The following ZXDC variants were observed in gnomAD, a reference collection of about 807,000 sequenced individuals.
ZXDC encodes ZXD family zinc finger C.
Under a neutral mutation model 63.6 loss-of-function variants are expected in ZXDC, and 58 were observed. The observed-to-expected ratio is 0.91, with a 90% CI of 0.74 to 1.13. ZXDC has a LOEUF of 1.13. ZXDC is among the 50% of genes most tolerant of loss of function. The pLI is 0.00. For missense variants in ZXDC, 1,133 were observed against 1,148.9 expected (o/e 0.99, Z 0.20); for synonymous variants, 561 against 496.1 (o/e 1.13, Z -1.74).
chr3:126,457,741 C>G (rs977229135), intron 7 of ZXDC: 3 of 774,152 alleles, frequency 3.9e-6, no homozygotes, highest in East Asian at 1.3e-4. Flanking sequence ...TAGAGTACCA[C>G]CGTTTAGAGT....
chr3:126,439,413 C>T (rs1375436094), intron 9 of ZXDC, among the ~76,000 whole-genome samples: 1 of 152,206 alleles, frequency 6.6e-6, no homozygotes, highest in Non-Finnish European at 1.5e-5. Flanking sequence ...TTAACTTCTC[C>T]TGCTTTGTCT....
At chr3:126,463,529 G>A (rs575040219) in intron 5 of ZXDC, among the ~76,000 whole-genome samples, 9 of 152,342 alleles carry the variant, frequency 5.9e-5, no homozygotes, top group East Asian at 1.9e-4. Context: ...GCATAGGCAA[G>A]TTTAGGGTTT....
At chr3:126,462,934 C>T (rs1273837222) in intron 5 of ZXDC, among the ~76,000 whole-genome samples, 1 of 152,206 alleles carries the variant, frequency 6.6e-6, no homozygotes, top group African/African-American at 2.4e-5. Context: ...CCCACAGCCT[C>T]CCCTACCACT....
chr3:126,465,832 G>A (rs938307087), intron 5 of ZXDC, among the ~76,000 whole-genome samples: 1 of 152,138 alleles, frequency 6.6e-6, no homozygotes, highest in African/African-American at 2.4e-5. Context: ...ATGCCTGTGG[G>A]CTCAGCTACT....
intron 7 of ZXDC, chr3:126,452,415 G>C (rs1030046863): frequency 1.0e-6 from 1 of 985,394 alleles, no homozygotes; most frequent in Non-Finnish European, 1.2e-6. Flanking sequence ...CGAGACAGGT[G>C]CAGGAGCCGA....
At chr3:126,466,602 A>G (rs1426400986) in intron 4 of ZXDC, among the ~76,000 whole-genome samples, 14 of 152,228 alleles carry the variant, frequency 9.2e-5, no homozygotes, top group African/African-American at 3.1e-4. Context: ...TTCTTCACCC[A>G]CTACATGGAG....
intron 8 of ZXDC, chr3:126,441,519 AG>A (rs1933675981): frequency 7.8e-7 from 1 of 1,280,280 alleles, no homozygotes; most frequent in African/African-American, 1.5e-5. Context: ...AGACAGGTTC[AG>A]GAAGTGGATG....
In ZXDC at chr3:126,475,489, G is replaced by A. The variant is rs142692233; in HGVS notation, c.377C>T (p.Ala126Val). Residue 126 changes from alanine to valine, a missense_variant, in exon 1 of 10, where the codon GCG (alanine) becomes GTG (valine). Ala to Val is a moderately conservative substitution (Grantham distance 64). Transcript: ENST00000389709. Reference sequence around the variant, plus strand: ...CTGGCTGCTGATGGTGACGGCGCCCGCCGGGGCTACGCCAGGGCCGGGGGG... The same window carrying A: ...CTGGCTGCTGATGGTGACGGCGCCCACCGGGGCTACGCCAGGGCCGGGGGG... ...AAPPGPGVAP[A>V]GAVTISSQDL... The A allele has an allele frequency of 0.02, 24,935 of 1,219,700 alleles. 290 individuals carry two copies. The highest frequency in any genetic ancestry group is 0.023 in the Non-Finnish European group (22,189 of 981,974). 75.6% of individuals were successfully genotyped at this position (1,219,700 alleles called of 1,614,324 possible).
rs753464351 is a variant in ZXDC, at chr3:126,462,160, G to C, written c.1502C>G (p.Pro501Arg). 85 of 1,611,728 alleles carry C rather than the reference G, an allele frequency of 5.3e-5. No individual in the cohort carries two copies. The highest frequency in any genetic ancestry group is 7.2e-5 in the Non-Finnish European group (85 of 1,179,930). The change falls in exon 6 of 10, where the codon CCA becomes CGA. Residue 501 changes from proline (P) to arginine (R), a missense_variant. Pro to Arg is a moderately radical substitution (Grantham distance 103). Coordinates refer to ENST00000389709, the MANE Select transcript of ZXDC (RefSeq NM_025112.5). ...SLTPSSELSS[P>R]GQSELTNMDL... is the part of the protein sequence containing the mutation. ...CATGTTAGTGAGCTCACTTTGGCCT[G>C]GGCTGCTGAGTTCACTGCTGGGAGT...
At chr3:126,452,711 T>C (rs1934151700) in intron 7 of ZXDC, among the ~76,000 whole-genome samples, 1 of 152,012 alleles carries the variant, frequency 6.6e-6, no homozygotes, top group African/African-American at 2.4e-5. Context: ...CATTTCCATC[T>C]ATCTTCGTAA....
At position 126,439,721 on chromosome 3, in the gene ZXDC, G is replaced by T; in HGVS notation, c.2401C>A (p.Pro801Thr). Residue 801 changes from proline (P) to threonine (T), a missense_variant, in exon 9 of 10, where the codon CCC becomes ACC. Coordinates refer to ENST00000389709, the MANE Select transcript of ZXDC (RefSeq NM_025112.5). ...GVQVQLVQDD[P>T]SGEGVLPSAR... ...GAGGGCAGGACACCTTCGCCGGAGG[G>T]GTCATCCTGGGAAGGCAACACAGAA... 6.4e-7 allele frequency: 1 copy of T among 1,550,850 alleles called. No homozygotes were observed.
chr3:126,466,279 A>C lies in ZXDC; in HGVS notation c.1317T>G (p.Ser439=). 1 of 1,614,206 alleles carries C rather than the reference A, an allele frequency of 6.2e-7. No individual in the cohort carries two copies. The highest frequency in any genetic ancestry group is 8.5e-7 in the Non-Finnish European group (1 of 1,180,036). ...CACCCACATCCTGCACGTGTTTCTT[A>C]GAGTGAATGTACAGACTGCTACGAG... The part of the protein sequence containing the change: ...FSARSSLYIH[S]KKHVQDVGAP... The change falls in exon 5 of 10, where the codon TCT becomes TCG. Residue 439 remains serine (S), a synonymous_variant. Transcript: ENST00000389709.
intron 6 of ZXDC, chr3:126,460,944 T>C (rs1560099131): frequency 1.0e-6 from 1 of 984,000 alleles, no homozygotes; most frequent in Admixed American, 6.1e-5. Context: ...AGTCAGACTA[T>C]CTCCTAAGAA....
intron 5 of ZXDC, among the ~76,000 whole-genome samples, chr3:126,463,748 C>T (rs1375460942): frequency 6.6e-6 from 1 of 152,218 alleles, no homozygotes; most frequent in East Asian, 1.9e-4. Context: ...CCTATTTCTC[C>T]CATGCCAGCT....
Position 126,466,337 on chromosome 3 carries a change from A to G in ZXDC, c.1271-12T>C. On this transcript the variant is annotated splice_polypyrimidine_tract_variant and intron_variant, in intron 4 of 9. Coordinates refer to ENST00000389709, the MANE Select transcript of ZXDC (RefSeq NM_025112.5). ...CCTCGCGCAACATCCTGGAACAAAA[A>G]GAGTAATGAGAGTGAAACCCAAGGA... 1 of 1,614,154 alleles carries G rather than the reference A, an allele frequency of 6.2e-7. No individual in the cohort carries two copies. Among genetic ancestry groups the G allele is most frequent in the Non-Finnish European group, 8.5e-7 (1 of 1,180,012 alleles).
intron 1 of ZXDC, among the ~76,000 whole-genome samples, chr3:126,473,412 ACATCTAATCTCATCTAAC>A (rs987723696): frequency 6.6e-6 from 1 of 152,154 alleles, no homozygotes; most frequent in Admixed American, 6.5e-5. Context: ...CTGCTTCTAA[ACATCTAATCTCATCTAAC>A]CATCTAATCT....
rs781317471 is a variant in ZXDC, at chr3:126,441,895, G to A, written c.2264C>T (p.Pro755Leu). 15 of 1,612,876 alleles carry A rather than the reference G, an allele frequency of 9.3e-6. No individual in the cohort carries two copies. The highest frequency in any genetic ancestry group is 3.3e-4 in the Middle Eastern group (2 of 6,082). The change falls in exon 8 of 10, where the codon CCC becomes CTC. Residue 755 changes from proline to leucine, a missense_variant. Transcript: ENST00000389709. ...ACTGTTCTGGCTTGCATGGAAATGG[G>A]GAGGACTCATTTTGCCTTCTTTTAT... ...RKIKEGKMSP[P>L]HFHASQNSWL...
intron 8 of ZXDC, chr3:126,440,632 C>G (rs547814284): frequency 1.2e-5 from 12 of 986,488 alleles, no homozygotes; most frequent in South Asian, 9.4e-5. Context: ...GGTCCTCCCC[C>G]TCCCCCTGCC....
intron 7 of ZXDC, among the ~76,000 whole-genome samples, chr3:126,444,336 T>G (rs1056644084): frequency 3.9e-5 from 6 of 152,124 alleles, no homozygotes; most frequent in Non-Finnish European, 8.8e-5. Flanking sequence ...ATCGAGACCA[T>G]CCTGGCTAAC....
Sources: gnomAD v4.1 joint callset for allele counts (sites outside exome capture counted in the v4.1 genomes callset) on GRCh38, gnomAD v4.1.1 for gene constraint, MANE v1.5 for transcripts, NCBI Gene and HGNC (gene_info 2026-07-23, HGNC 2026-07-21) for gene names.